Variants in COL18A1 observed in about 807,000 individuals in gnomAD.
COL18A1 encodes the protein collagen alpha-1(XVIII) chain.
COL18A1 carries 133 observed loss-of-function variants against 168.0 expected under a neutral mutation model. That is an observed-to-expected ratio of 0.79 (90% CI 0.69 to 0.91). The LOEUF is 0.91. COL18A1 is among the 40% of genes least tolerant of loss of function. The pLI, the probability that COL18A1 is intolerant of heterozygous loss-of-function variation, is 0.00. For synonymous variants in COL18A1, 949 were observed against 809.0 expected, an observed-to-expected ratio of 1.17 and a Z score of -2.94; for missense variants, 2,126 against 1,925.4, an observed-to-expected ratio of 1.10 and a Z score of -1.95.
At chr21:45,488,313 G>A (rs1328049320) in intron 17 of COL18A1, 105 bp from the exon 18 acceptor site, 11 of 1,397,482 alleles carry the variant, frequency 7.9e-6, no homozygotes, top group South Asian at 3.5e-5. Context: ...TTTTACACAC[G>A]TATTTTGAAG....
intron 38 of COL18A1, among the ~76,000 whole-genome samples, chr21:45,509,034 T>G (rs1360594633): frequency 1.3e-5 from 2 of 151,984 alleles, no homozygotes; most frequent in African/African-American, 2.4e-5. Flanking sequence ...GTCGCCGTGT[T>G]GAGGTCAGGG....
intron 32 of COL18A1, among the ~76,000 whole-genome samples, chr21:45,503,224 C>T (rs561464619): frequency 5.6e-4 from 85 of 152,296 alleles, no homozygotes; most frequent in African/African-American, 1.3e-3. Context: ...ACATCCTCTC[C>T]GGCACCTGTT....
At chr21:45,511,293 C>CTA (rs1301205334) in intron 41 of COL18A1, 67 bp downstream of exon 41, 1 of 826,852 alleles carries the variant, frequency 1.2e-6, no homozygotes, top group East Asian at 2.6e-5. Flanking sequence ...GGGCGGGCTC[C>CTA]TATCTGCAGT....
chr21:45,415,475 G>A (rs563133131), intron 2 of COL18A1, among the ~76,000 whole-genome samples: 19 of 152,288 alleles, frequency 1.2e-4, no homozygotes, highest in East Asian at 3.9e-4. Context: ...CGGCTGCCAC[G>A]GGTGGGGCAG....
intron 2 of COL18A1, chr21:45,456,428 G>A: frequency 1.3e-6 from 2 of 1,544,618 alleles, no homozygotes; most frequent in Non-Finnish European, 1.8e-6. Context: ...TTTAACCAGG[G>A]ACAGCGGTGC....
In COL18A1 at chr21:45,498,150, G is replaced by A; in HGVS notation, c.2683+489G>A. On this transcript the variant is annotated intron_variant, in intron 32 of 41. Transcript: ENST00000651438. This position sits in a 1 kb window ranked among gnomAD's most constrained non-coding sequence, Gnocchi z 4.5. Reference sequence around the variant, plus strand: ...CCCCCTGAGCCCCACCTCCATTGAGGGTGGCAGGGCTGCTTGGATGTCCTG... The same window carrying A: ...CCCCCTGAGCCCCACCTCCATTGAGAGTGGCAGGGCTGCTTGGATGTCCTG... 1 of 656,166 alleles carries A rather than the reference G, an allele frequency of 1.5e-6. No individual in the cohort carries two copies. Among genetic ancestry groups the A allele is most frequent in the Non-Finnish European group, 2.8e-6 (1 of 361,242 alleles). The allele number at this position is 656,166 out of a possible 1,614,324, so 40.6% of individuals were successfully genotyped here.
chr21:45,475,985 A>G (rs934253543), intron 5 of COL18A1, among the ~76,000 whole-genome samples: 1 of 152,092 alleles, frequency 6.6e-6, no homozygotes, highest in Non-Finnish European at 1.5e-5. Flanking sequence ...GGGAGTGGGG[A>G]GGCCCCAGCC....
chr21:45,437,488 A>ACACAGACAGG (rs2034176781), intron 2 of COL18A1, among the ~76,000 whole-genome samples: 2 of 71,226 alleles, frequency 2.8e-5, no homozygotes, highest in African/African-American at 7.3e-5. Flanking sequence ...GCACACACTC[A>ACACAGACAGG]CACTCACACA....
intron 2 of COL18A1, among the ~76,000 whole-genome samples, chr21:45,453,207 T>C (rs2034688004): frequency 6.6e-6 from 1 of 152,070 alleles, no homozygotes; most frequent in Non-Finnish European, 1.5e-5. Flanking sequence ...ATGTGTGACA[T>C]GTGAGCATGT....
rs561371519 is a variant in COL18A1 at position 45,425,490 on chromosome 21, C to A, written c.106+20017C>A. On this transcript the variant is annotated intron_variant, in intron 2 of 41. Coordinates refer to ENST00000651438, the MANE Select transcript of COL18A1 (RefSeq NM_001379500.1). The surrounding 1 kb of genome is among the most constrained non-coding windows in gnomAD (Gnocchi z 4.1). ...CGGGTGGCCCAAGGCCTCTGAAAAC[C>A]GTCACGGCAGGGGTCACAACCCCAC... 2.6e-5 allele frequency among the ~76,000 whole-genome samples: 4 copies of A among 152,188 alleles called. No homozygotes were observed. Among genetic ancestry groups the A allele is most frequent in the Non-Finnish European group, 5.9e-5 (4 of 68,024 alleles).
intron 26 of COL18A1, 99 bp downstream of exon 26, chr21:45,493,674 C>G (rs948510075): frequency 3.2e-5 from 28 of 861,908 alleles, no homozygotes; most frequent in Middle Eastern, 3.3e-4. Flanking sequence ...TCCTGATGCA[C>G]GAGCCTCTCC....
intron 2 of COL18A1, among the ~76,000 whole-genome samples, chr21:45,450,498 C>G (rs985496298): frequency 6.6e-5 from 10 of 152,218 alleles, no homozygotes; most frequent in Admixed American, 6.5e-4. Context: ...ATGAGCCCCC[C>G]TCTTTGCCCC....
chr21:45,509,521 C>A lies in COL18A1; in HGVS notation c.3415C>A (p.His1139Asn). The A allele has an allele frequency of 6.5e-7, 1 of 1,534,272 alleles. No homozygotes were observed. The highest frequency in any genetic ancestry group is 8.8e-7 in the Non-Finnish European group (1 of 1,140,092). Reference sequence around the variant, plus strand: ...GCCCCAGCCCTACCCCGGAGCCCCGCACCACAGCTCCTACGTGCACCTGCG... The same window carrying A: ...GCCCCAGCCCTACCCCGGAGCCCCGAACCACAGCTCCTACGTGCACCTGCG... ...PEPQPYPGAP[H>N]HSSYVHLRPA... The change falls in exon 39 of 42, where the codon CAC becomes AAC. Residue 1139 changes from histidine (H) to asparagine (N), a missense_variant. By Grantham distance (68) the His-to-Asn change is moderately conservative. Transcript: ENST00000651438.
At chr21:45,451,077 G>T (rs941956520) in intron 2 of COL18A1, among the ~76,000 whole-genome samples, 1 of 152,238 alleles carries the variant, frequency 6.6e-6, no homozygotes. Context: ...TCCTCTGGGG[G>T]GTGTGAGGTT....
At chr21:45,479,185 T>G (rs61634774) in intron 9 of COL18A1, among the ~76,000 whole-genome samples, 14,433 of 140,772 alleles carry the variant, frequency 0.1, 856 homozygotes, top group East Asian at 0.22. Context: ...CGCGTGTGTG[T>G]GGGGGGGTGA....
intron 19 of COL18A1, 119 bp from the exon 20 acceptor site, chr21:45,490,156 G>A: frequency 1.4e-6 from 1 of 714,216 alleles, no homozygotes; most frequent in Non-Finnish European, 2.4e-6. Context: ...GGCCCACAGG[G>A]GTGAGAGAGA....
chr21:45,437,848 A>T (rs1390272666), intron 2 of COL18A1, among the ~76,000 whole-genome samples: 2 of 60,560 alleles, frequency 3.3e-5, no homozygotes, highest in East Asian at 5.0e-4. Flanking sequence ...ACTCTCCTGC[A>T]CACACTCACA....
At chr21:45,422,495 C>A (rs1251980523) in intron 2 of COL18A1, 1 of 526,828 alleles carries the variant, frequency 1.9e-6, no homozygotes, top group African/African-American at 1.9e-5. Flanking sequence ...GGAGCCGGGG[C>A]CTTTGCGTGG....
chr21:45,477,531 C>A, intron 7 of COL18A1, 44 bp downstream of exon 7: 1 of 1,547,740 alleles, frequency 6.5e-7, no homozygotes, highest in Non-Finnish European at 8.8e-7. Context: ...TGAACCAGAG[C>A]ACCTGTGGCC....
Sources: gnomAD v4.1 joint callset for allele counts (sites outside exome capture counted in the v4.1 genomes callset) on GRCh38, gnomAD v4.1.1 for gene constraint, Gnocchi (gnomAD v3.1) non-coding constraint, MANE v1.5 for transcripts, NCBI Gene and HGNC (gene_info 2026-07-23, HGNC 2026-07-21) for gene names.